Variants in PALLD observed in about 807,000 individuals in gnomAD.
PALLD encodes palladin.
In PALLD, 61 loss-of-function variants were observed where a neutral mutation model predicts 123.5. That is an observed-to-expected ratio of 0.49 (90% CI 0.40 to 0.61). PALLD has a LOEUF of 0.61. Ranked by LOEUF, PALLD falls within the 20% of genes least tolerant of loss-of-function variation. The pLI, the probability that PALLD is intolerant of heterozygous loss-of-function variation, is 0.00. For synonymous variants in PALLD, 465 were observed against 496.4 expected (o/e 0.94, Z 0.84); for missense variants, 1,273 against 1,377.0 (o/e 0.92, Z 1.20).
intron 10 of PALLD, among the ~76,000 whole-genome samples, chr4:168,775,439 G>C (rs963791483): frequency 1.3e-5 from 2 of 151,994 alleles, no homozygotes; most frequent in Non-Finnish European, 2.9e-5. Flanking sequence ...ATATATTCTA[G>C]ATACAAGTTC....
chr4:168,739,047 A>G lies in PALLD; in HGVS notation c.1964+27124A>G, dbSNP rs1788065118. Among the ~76,000 whole-genome samples the G allele has an allele frequency of 3.3e-5, 5 of 152,216 alleles. No homozygotes were observed. The South Asian group carries it at 1.0e-3, about 32-fold the overall frequency. On this transcript the variant is annotated intron_variant, in intron 10 of 21. Coordinates refer to ENST00000505667, the MANE Select transcript of PALLD (RefSeq NM_001166108.2). Reference sequence around the variant, plus strand: ...ATATTTGTTTTTCTTTGTCTGGATTATTTCACTTTACACAATGATCTCCCA... The same window carrying G: ...ATATTTGTTTTTCTTTGTCTGGATTGTTTCACTTTACACAATGATCTCCCA...
intron 10 of PALLD, among the ~76,000 whole-genome samples, chr4:168,732,672 T>C (rs572527804): frequency 2.6e-5 from 4 of 152,354 alleles, no homozygotes; most frequent in South Asian, 4.1e-4. Context: ...AATTTCTTTC[T>C]TTTCTAATCT....
At chr4:168,516,843 C>A (rs954953818) in intron 2 of PALLD, among the ~76,000 whole-genome samples, 1 of 152,242 alleles carries the variant, frequency 6.6e-6, no homozygotes, top group Admixed American at 6.5e-5. Context: ...TTTCCAGTAT[C>A]TTTCTCTATG....
intron 6 of PALLD, among the ~76,000 whole-genome samples, chr4:168,689,983 G>T (rs1036505676): frequency 2.0e-5 from 3 of 152,022 alleles, no homozygotes; most frequent in Admixed American, 6.5e-5. Context: ...TGCGGTGAGG[G>T]ACAACAAAGG....
chr4:168,516,546 C>T (rs2149441002), intron 2 of PALLD, among the ~76,000 whole-genome samples: 3 of 151,566 alleles, frequency 2.0e-5, no homozygotes, highest in Admixed American at 2.0e-4. Flanking sequence ...TGTTTTAAAC[C>T]ATTTAAATGT....
chr4:168,598,559 T>C (rs1220542308), intron 2 of PALLD: 7 of 331,994 alleles, frequency 2.1e-5, no homozygotes, highest in South Asian at 1.1e-4. Context: ...AGGTTAGACT[T>C]TGGGATCGTT....
chr4:168,862,252 G>T (rs1260084418), intron 10 of PALLD, among the ~76,000 whole-genome samples: 1 of 151,904 alleles, frequency 6.6e-6, no homozygotes, highest in African/African-American at 2.4e-5. Flanking sequence ...CTGCAGCCTT[G>T]TTCTCCTGGG....
At chr4:168,707,064 G>GT (rs956450135) in intron 8 of PALLD, among the ~76,000 whole-genome samples, 11 of 151,802 alleles carry the variant, frequency 7.2e-5, no homozygotes, top group Non-Finnish European at 1.5e-4. Context: ...AGACAAAAAT[G>GT]TTTTTTTTAA....
At position 168,904,678 on chromosome 4, in the gene PALLD, G is replaced by GA. The variant is rs899817345; in HGVS notation, c.2622+781dup. The stretch of plus-strand genomic sequence containing the variant: ...AGTATAAATAACACACTTTTAAAAA[G>GA]AAAAAAAAAGGCATGGTAAAATGAG... On this transcript the variant is annotated intron_variant, in intron 15 of 21. Transcript: ENST00000505667. 1.0e-4 allele frequency among the ~76,000 whole-genome samples: 15 copies of GA among 149,010 alleles called. No homozygotes were observed. The East Asian group carries it at 1.4e-3, about 14-fold the overall frequency.
intron 2 of PALLD, among the ~76,000 whole-genome samples, chr4:168,637,132 C>T (rs1049933151): frequency 3.3e-5 from 5 of 152,092 alleles, no homozygotes; most frequent in Admixed American, 2.6e-4. Context: ...AAGATAGAAA[C>T]GGCAGAATCC....
In PALLD at chr4:168,919,262, G is replaced by T. The variant is rs538946249; in HGVS notation, c.2851-2272G>T. Among the ~76,000 whole-genome samples, 6 of 152,224 alleles carry T rather than the reference G, an allele frequency of 3.9e-5. No individual in the cohort carries two copies. The South Asian group carries it at 6.2e-4, about 16-fold the overall frequency. On this transcript the variant is annotated intron_variant, in intron 17 of 21. Coordinates refer to ENST00000505667, the MANE Select transcript of PALLD (RefSeq NM_001166108.2). ...AAAATCGGCCAGGCACGTGGGTCAC[G>T]CCTGTAATCCTAAAACTTTGGGAGG...
intron 2 of PALLD, among the ~76,000 whole-genome samples, chr4:168,589,166 A>C (rs1431510221): frequency 6.6e-6 from 1 of 152,192 alleles, no homozygotes; most frequent in African/African-American, 2.4e-5. Flanking sequence ...GTAATTTGTC[A>C]TTCTTGATTG....
intron 2 of PALLD, among the ~76,000 whole-genome samples, chr4:168,556,136 C>T (rs1767267732): frequency 6.6e-6 from 1 of 151,738 alleles, no homozygotes; most frequent in African/African-American, 2.4e-5. Flanking sequence ...CACTCTGTCG[C>T]CCAGGCTGGA....
intron 2 of PALLD, among the ~76,000 whole-genome samples, chr4:168,658,136 T>C (rs1778764661): frequency 6.6e-6 from 1 of 152,160 alleles, no homozygotes; most frequent in Non-Finnish European, 1.5e-5. Flanking sequence ...TGACTCCAAG[T>C]CCTAGGTCCT....
chr4:168,587,037 T>C (rs1770895503), intron 2 of PALLD, among the ~76,000 whole-genome samples: 1 of 152,156 alleles, frequency 6.6e-6, no homozygotes, highest in South Asian at 2.1e-4. Flanking sequence ...TTGTCACCAC[T>C]GGGAGAGGGG....
At chr4:168,645,792 T>G (rs1451915913) in intron 2 of PALLD, among the ~76,000 whole-genome samples, 2 of 152,164 alleles carry the variant, frequency 1.3e-5, no homozygotes, top group Non-Finnish European at 2.9e-5. Flanking sequence ...GATTTTCTAG[T>G]GCAAACGGGG....
chr4:168,888,213 C>A (rs942644061), intron 10 of PALLD, among the ~76,000 whole-genome samples: 16 of 152,224 alleles, frequency 1.1e-4, no homozygotes, highest in African/African-American at 3.1e-4. Context: ...CCTTAAATAT[C>A]AAAATGAGTT....
At chr4:168,787,441 G>A (rs1375501152) in intron 10 of PALLD, among the ~76,000 whole-genome samples, 2 of 152,202 alleles carry the variant, frequency 1.3e-5, no homozygotes, top group Non-Finnish European at 2.9e-5. Flanking sequence ...GAAGGGTGAT[G>A]GTACTGCATT....
At chr4:168,832,193 T>C in intron 10 of PALLD, 1 of 985,326 alleles carries the variant, frequency 1.0e-6, no homozygotes, top group Non-Finnish European at 1.2e-6. Flanking sequence ...GAATCGGCCC[T>C]GAGGCTGGTG....
Sources: gnomAD v4.1 joint callset for allele counts (sites outside exome capture counted in the v4.1 genomes callset) on GRCh38, gnomAD v4.1.1 for gene constraint, MANE v1.5 for transcripts, NCBI Gene and HGNC (gene_info 2026-07-23, HGNC 2026-07-21) for gene names.